Variants in CTIF observed in about 807,000 individuals in gnomAD.
The protein encoded by CTIF is cap binding complex dependent translation initiation factor, also known as CBP80/20-dependent translation initiation factor.
CTIF carries 21 observed loss-of-function variants against 66.0 expected under a neutral mutation model. That is an observed-to-expected ratio of 0.32 (90% CI 0.23 to 0.46). The LOEUF is 0.46. CTIF is among the 20% of genes least tolerant of loss of function. CTIF has a pLI of 1.00. For synonymous variants in CTIF, 345 were observed against 326.4 expected (o/e 1.06, Z -0.62); for missense variants, 739 against 812.7 (o/e 0.91, Z 1.10).
chr18:48,724,954 A>C (rs1175935715), intron 7 of CTIF, among the ~76,000 whole-genome samples: 1 of 152,260 alleles, frequency 6.6e-6, no homozygotes, highest in East Asian at 1.9e-4. Context: ...TTGGTGGACA[A>C]AAGATCTAAT....
chr18:48,840,029 A>T (rs2068901869), intron 10 of CTIF, among the ~76,000 whole-genome samples: 1 of 152,206 alleles, frequency 6.6e-6, no homozygotes, highest in Non-Finnish European at 1.5e-5. Context: ...AACTAGGTAG[A>T]AGCAACAGTT....
intron 9 of CTIF, among the ~76,000 whole-genome samples, chr18:48,781,750 G>A (rs1176750885): frequency 1.3e-5 from 2 of 152,070 alleles, no homozygotes; most frequent in Non-Finnish European, 2.9e-5. Flanking sequence ...GGCAGGAGAG[G>A]AAGCATTCTT....
At chr18:48,658,633 T>C (rs2091286595) in intron 3 of CTIF, among the ~76,000 whole-genome samples, 1 of 152,074 alleles carries the variant, frequency 6.6e-6, no homozygotes. Flanking sequence ...TATATGCATG[T>C]ATGGTGTGTA....
chr18:48,816,123 G>C (rs985018006), intron 9 of CTIF, among the ~76,000 whole-genome samples: 3 of 152,154 alleles, frequency 2.0e-5, no homozygotes, highest in African/African-American at 7.2e-5. Context: ...ACTTAGGTGA[G>C]GCCCTGTCGC....
chr18:48,543,913 C>A (rs1000923904), intron 1 of CTIF, among the ~76,000 whole-genome samples: 1 of 152,104 alleles, frequency 6.6e-6, no homozygotes, highest in Non-Finnish European at 1.5e-5. Flanking sequence ...GCCCTTCCTG[C>A]CTTATCTTCA....
At chr18:48,715,586 C>T (rs540898227) in intron 7 of CTIF, among the ~76,000 whole-genome samples, 2 of 152,146 alleles carry the variant, frequency 1.3e-5, no homozygotes, top group African/African-American at 4.8e-5. Context: ...GGCTGGAGAC[C>T]CGGCGCACTG....
At chr18:48,787,203 C>T (rs561332842) in intron 9 of CTIF, among the ~76,000 whole-genome samples, 2 of 152,056 alleles carry the variant, frequency 1.3e-5, no homozygotes, top group South Asian at 2.1e-4. Context: ...TTACTATTTG[C>T]GAGGGATAGG....
intron 6 of CTIF, among the ~76,000 whole-genome samples, chr18:48,697,392 G>A (rs924726340): frequency 3.3e-5 from 5 of 152,344 alleles, no homozygotes; most frequent in African/African-American, 1.2e-4. Context: ...TGTGTGACCA[G>A]ATGGATTCCT....
At chr18:48,788,794 A>C (rs915462981) in intron 9 of CTIF, among the ~76,000 whole-genome samples, 1 of 152,098 alleles carries the variant, frequency 6.6e-6, no homozygotes, top group Non-Finnish European at 1.5e-5. Flanking sequence ...GAGAAGAAGC[A>C]CTTGTACTTC....
chr18:48,608,839 T>A (rs2090254892), intron 1 of CTIF, among the ~76,000 whole-genome samples: 1 of 152,146 alleles, frequency 6.6e-6, no homozygotes, highest in Admixed American at 6.5e-5. Flanking sequence ...GGGAGAAAGC[T>A]GACTGGGGAC....
chr18:48,839,793 A>G (rs1267549794), intron 10 of CTIF, among the ~76,000 whole-genome samples: 1 of 152,166 alleles, frequency 6.6e-6, no homozygotes, highest in Non-Finnish European at 1.5e-5. Context: ...CCCCCTTCAG[A>G]CACCCTGGAG....
intron 1 of CTIF, among the ~76,000 whole-genome samples, chr18:48,586,449 T>G (rs1019876825): frequency 6.6e-6 from 1 of 151,862 alleles, no homozygotes; most frequent in African/African-American, 2.4e-5. Context: ...TTTCATATCT[T>G]TAGTAGAGAC....
At chr18:48,571,861 G>A (rs2089422930) in intron 1 of CTIF, among the ~76,000 whole-genome samples, 1 of 152,134 alleles carries the variant, frequency 6.6e-6, no homozygotes, top group African/African-American at 2.4e-5. Flanking sequence ...AAAGAGATTT[G>A]GAGAAATTGG....
At chr18:48,607,052 A>G (rs371802388) in intron 1 of CTIF, among the ~76,000 whole-genome samples, 4 of 152,198 alleles carry the variant, frequency 2.6e-5, no homozygotes, top group African/African-American at 9.6e-5. Context: ...GAAACCAACA[A>G]TCTGTGGGGA....
chr18:48,582,293 AG>A lies in CTIF; in HGVS notation c.-28-37242del, dbSNP rs542785124. 6.4e-4 allele frequency among the ~76,000 whole-genome samples: 97 copies of A among 152,166 alleles called. 3 individuals are homozygous for A. The South Asian group carries it at 0.019, about 30-fold the overall frequency. The stretch of plus-strand genomic sequence containing the variant: ...GAAGCTGGCTTCCATGGGGCAGGGC[AG>A]GGAGGTCATGGACCACGCATGGTGT... On this transcript the variant is annotated intron_variant, in intron 1 of 11. Coordinates refer to ENST00000256413, the MANE Select transcript of CTIF (RefSeq NM_014772.3).
rs543922220 is a variant in CTIF at position 48,578,788 on chromosome 18, C to T, written c.-29+39476C>T. On this transcript the variant is annotated intron_variant, in intron 1 of 11. Transcript: ENST00000256413. ...TGCAAATATTTTCTCCCATTCCGTGCATTGTCTTTTTACTTGATGATTTGC... is the reference window on the plus strand; with the variant it reads ...TGCAAATATTTTCTCCCATTCCGTGTATTGTCTTTTTACTTGATGATTTGC... Among the ~76,000 whole-genome samples, 175 of 152,292 alleles carry T rather than the reference C, an allele frequency of 1.1e-3. No homozygotes were observed. The Middle Eastern group carries it at 0.031, about 27-fold the overall frequency.
chr18:48,546,054 A>C (rs1244451193), intron 1 of CTIF, among the ~76,000 whole-genome samples: 1 of 152,096 alleles, frequency 6.6e-6, no homozygotes, highest in Admixed American at 6.5e-5. Context: ...AGCCCCTTGG[A>C]GTGTACAGAG....
chr18:48,576,282 A>C (rs1014664209), intron 1 of CTIF, among the ~76,000 whole-genome samples: 1 of 152,256 alleles, frequency 6.6e-6, no homozygotes, highest in Admixed American at 6.5e-5. Context: ...AGGAACACTC[A>C]GTGTCGCGTG....
At chr18:48,704,172 C>G (rs1276353530) in intron 6 of CTIF, among the ~76,000 whole-genome samples, 1 of 152,164 alleles carries the variant, frequency 6.6e-6, no homozygotes, top group Non-Finnish European at 1.5e-5. Flanking sequence ...CCTCCCATCT[C>G]TGCCCTGGTA....
Sources: allele counts gnomAD v4.1 joint callset (sites outside exome capture counted in the v4.1 genomes callset), GRCh38; gene constraint gnomAD v4.1.1; transcripts MANE v1.5; gene names NCBI Gene and HGNC (gene_info 2026-07-23, HGNC 2026-07-21).